Variants in CSPP1 observed in about 807,000 individuals in gnomAD.
The protein encoded by CSPP1 is centrosome and spindle pole associated protein 1, also known as centrosome and spindle pole-associated protein 1.
In CSPP1, 126 loss-of-function variants were observed where a neutral mutation model predicts 164.4. The observed-to-expected ratio is 0.77, with a 90% CI of 0.66 to 0.89. The LOEUF (loss-of-function observed/expected upper bound fraction) is 0.89, where lower values mean the gene tolerates loss of function less well. Among genes scored for constraint, CSPP1 ranks in the 40% least tolerant of loss-of-function variants. The probability of loss-of-function intolerance (pLI) is 0.00; values close to 1 mark genes in which losing one functional copy is unlikely to be tolerated. For missense variants in CSPP1, 1,395 were observed against 1,449.8 expected (o/e 0.96, Z 0.61); for synonymous variants, 472 against 476.7 (o/e 0.99, Z 0.13).
chr8:67,195,498 C>G lies in CSPP1; in HGVS notation c.3586C>G (p.Arg1196Gly), dbSNP rs759903681. 2 of 1,614,088 alleles carry G rather than the reference C, an allele frequency of 1.2e-6. No homozygotes were observed. Among genetic ancestry groups the G allele is most frequent in the South Asian group, 1.1e-5 (1 of 91,090 alleles). The change falls in exon 31 of 31, where the codon CGT (arginine) becomes GGT (glycine). Residue 1196 changes from arginine (R) to glycine (G), a missense_variant. Coordinates refer to ENST00000678616, the MANE Select transcript of CSPP1 (RefSeq NM_001382391.1). ...CCCTGGCACTTCAGAAACGCTGAAA[C>G]GTTTCATGGCAGAGCAGCTGAACCA... ...LRPGTSETLKRFMAEQLNQEQ... is the reference protein window; with the variant it reads ...LRPGTSETLKGFMAEQLNQEQ...
chr8:67,120,161 T>G (rs1417759133), intron 15 of CSPP1, among the ~76,000 whole-genome samples: 3 of 152,214 alleles, frequency 2.0e-5, no homozygotes, highest in African/African-American at 4.8e-5. Context: ...GCATTCTTGT[T>G]GAAAATCATT....
At chr8:67,134,121 A>G (rs1821770782) in intron 16 of CSPP1, 2 of 152,172 alleles carry the variant, frequency 1.3e-5, no homozygotes, top group Admixed American at 1.3e-4. Flanking sequence ...TGATATTTTG[A>G]CTTCCTTCCA....
Position 67,172,533 on chromosome 8 carries a change from T to C in CSPP1, c.2946T>C (p.Asp982=). 4 of 1,613,580 alleles carry C rather than the reference T, an allele frequency of 2.5e-6. No individual in the cohort carries two copies. The highest frequency in any genetic ancestry group is 1.1e-5 in the South Asian group (1 of 90,978). ...LDAATFQNVH[D]FNELKDRDSE... ...CTGCCACTTTTCAGAATGTTCATGA[T>C]TTTAATGAGCTGAAAGATAGAGGTG... The change falls in exon 25 of 31, where the codon GAT becomes GAC. Residue 982 remains aspartate, a synonymous_variant. Coordinates refer to ENST00000678616, the MANE Select transcript of CSPP1 (RefSeq NM_001382391.1).
At position 67,195,541 on chromosome 8, in the gene CSPP1, C is replaced by G; in HGVS notation, c.3629C>G (p.Pro1210Arg). 1 of 1,614,188 alleles carries G rather than the reference C, an allele frequency of 6.2e-7. No homozygotes were observed. The highest frequency in any genetic ancestry group is 8.5e-7 in the Non-Finnish European group (1 of 1,180,028). Residue 1210 changes from proline to arginine, a missense_variant, in exon 31 of 31, where the codon CCT becomes CGT. Pro to Arg is a moderately radical substitution (Grantham distance 103). Coordinates refer to ENST00000678616, the MANE Select transcript of CSPP1 (RefSeq NM_001382391.1). ...EQLNQEQQQIPGKPGTFTWQG... is the reference protein window; with the variant it reads ...EQLNQEQQQIRGKPGTFTWQG... ...CTGAACCAGGAGCAGCAGCAGATTCCTGGAAAACCAGGCACTTTCACTTGG... is the reference window on the plus strand; with the variant it reads ...CTGAACCAGGAGCAGCAGCAGATTCGTGGAAAACCAGGCACTTTCACTTGG...
chr8:67,165,604 T>C (rs556187660), intron 24 of CSPP1, among the ~76,000 whole-genome samples: 21 of 152,340 alleles, frequency 1.4e-4, no homozygotes, highest in African/African-American at 5.1e-4. Context: ...CCAGGTATCC[T>C]GTAGAATGCC....
rs753606187 is a variant in CSPP1 at position 67,161,793 on chromosome 8, ATTTTTTAAAT to A, written c.2539-13_2539-4del. 25 of 1,540,170 alleles carry A rather than the reference ATTTTTTAAAT, an allele frequency of 1.6e-5. No individual in the cohort carries two copies. The highest frequency in any genetic ancestry group is 2.1e-5 in the Non-Finnish European group (23 of 1,115,996). ...TGTGATGAAGCAAATATGCTCTTAA[ATTTTTTAAAT>A]TTTTCAGCACATGAGACAGCCTTCT... On this transcript the variant is annotated splice_region_variant and splice_polypyrimidine_tract_variant and intron_variant, in intron 21 of 30. Coordinates refer to ENST00000678616, the MANE Select transcript of CSPP1 (RefSeq NM_001382391.1).
At chr8:67,123,963 G>A (rs1387903829) in intron 15 of CSPP1, among the ~76,000 whole-genome samples, 4 of 144,726 alleles carry the variant, frequency 2.8e-5, no homozygotes, top group East Asian at 2.1e-4. Flanking sequence ...GCAGTGGTGC[G>A]ATCTCGGCTC....
At chr8:67,113,496 T>A (rs1273213737) in intron 10 of CSPP1, among the ~76,000 whole-genome samples, 1 of 152,156 alleles carries the variant, frequency 6.6e-6, no homozygotes, top group Admixed American at 6.5e-5. Context: ...TAAAAGAGGT[T>A]TTTTTGTTTT....
intron 28 of CSPP1, among the ~76,000 whole-genome samples, chr8:67,184,512 C>T (rs1244767361): frequency 6.6e-6 from 1 of 151,430 alleles, no homozygotes; most frequent in Non-Finnish European, 1.5e-5. Context: ...CTGAGGTGGG[C>T]GGATCACCTG....
chr8:67,159,116 TTTGATTGGGGAAGAAACAAAGGTAAG>T lies in CSPP1; in HGVS notation c.2520_2538+7del. 6.3e-7 allele frequency: 1 copy of T among 1,599,748 alleles called. No individual in the cohort carries two copies. Among genetic ancestry groups the T allele is most frequent in the Non-Finnish European group, 8.5e-7 (1 of 1,176,416 alleles). Reference sequence around the variant, plus strand: ...TTCAGCACTACTGTGAAAGAGACAATTTGATTGGGGAAGAAACAAAGGTAAGTTTCAGACAAAAATGTCAATCAAAC... The same window carrying T: ...TTCAGCACTACTGTGAAAGAGACAATTTTCAGACAAAAATGTCAATCAAAC... On this transcript the variant is annotated splice_donor_variant and splice_donor_5th_base_variant and coding_sequence_variant and intron_variant, in exon 21 of 31. Transcript: ENST00000678616. LOFTEE classifies it high-confidence loss of function.
intron 28 of CSPP1, among the ~76,000 whole-genome samples, chr8:67,183,961 TC>T (rs1282275621): frequency 6.7e-6 from 1 of 149,672 alleles, no homozygotes; most frequent in Non-Finnish European, 1.5e-5. Context: ...CAAGCGATTC[TC>T]CTGACTCAGT....
At chr8:67,120,266 C>G (rs763213830) in intron 15 of CSPP1, among the ~76,000 whole-genome samples, 2 of 152,080 alleles carry the variant, frequency 1.3e-5, no homozygotes, top group Non-Finnish European at 2.9e-5. Context: ...GTTTTGATTA[C>G]TGTTGCTTTG....
At chr8:67,103,478 G>A (rs1251176175) in intron 8 of CSPP1, among the ~76,000 whole-genome samples, 2 of 151,954 alleles carry the variant, frequency 1.3e-5, no homozygotes. Flanking sequence ...TAGAGTCATG[G>A]TGATGCAACT....
chr8:67,070,389 G>C (rs1806478073), intron 1 of CSPP1, among the ~76,000 whole-genome samples: 1 of 151,558 alleles, frequency 6.6e-6, no homozygotes, highest in South Asian at 2.1e-4. Context: ...CATGACCCCG[G>C]GAGGTGGAGC....
chr8:67,123,844 T>C (rs1819504364), intron 15 of CSPP1, among the ~76,000 whole-genome samples: 1 of 151,310 alleles, frequency 6.6e-6, no homozygotes, highest in African/African-American at 2.4e-5. Flanking sequence ...AACTTCTGGC[T>C]CAAGTGATCC....
At chr8:67,191,532 CTGTA>C (rs899937219) in intron 29 of CSPP1, among the ~76,000 whole-genome samples, 1 of 152,212 alleles carries the variant, frequency 6.6e-6, no homozygotes, top group African/African-American at 2.4e-5. Flanking sequence ...AGATCATACA[CTGTA>C]TGATTATTTG....
chr8:67,167,458 G>T lies in CSPP1; in HGVS notation c.2828+2950G>T, dbSNP rs564818543. 2.6e-5 allele frequency among the ~76,000 whole-genome samples: 4 copies of T among 151,240 alleles called. No homozygotes were observed. The South Asian group carries it at 8.4e-4, about 32-fold the overall frequency. ...GGCGGGGGCTGCCCCCCACCTCCCG[G>T]ATGGGGCGGCTGCTGGGCGGAGGGG... On this transcript the variant is annotated intron_variant, in intron 24 of 30. Transcript: ENST00000678616.
At chr8:67,164,241 G>A (rs900224847) in intron 23 of CSPP1, 150 bp from the exon 24 acceptor site, 4 of 565,664 alleles carry the variant, frequency 7.1e-6, no homozygotes, top group African/African-American at 1.9e-5. Flanking sequence ...TATGATCCAT[G>A]TATGTGTGTA....
At chr8:67,193,349 G>A (rs1417909276) in intron 29 of CSPP1, 115 bp from the exon 30 acceptor site, 19 of 810,514 alleles carry the variant, frequency 2.3e-5, no homozygotes, top group East Asian at 1.1e-4. Flanking sequence ...TGCCCACCTC[G>A]GCTTCCCAAA....
Sources: gnomAD v4.1 joint callset for allele counts (sites outside exome capture counted in the v4.1 genomes callset) on GRCh38, gnomAD v4.1.1 for gene constraint, MANE v1.5 for transcripts, NCBI Gene and HGNC (gene_info 2026-07-23, HGNC 2026-07-21) for gene names.